LRRC4C: variants seen among roughly 807,000 people sequenced by gnomAD.
LRRC4C encodes leucine-rich repeat-containing protein 4C.
Under a neutral mutation model 33.6 loss-of-function variants are expected in LRRC4C, and 5 were observed. The observed-to-expected ratio is 0.15, with a 90% confidence interval of 0.08 to 0.31. The LOEUF is 0.31. LRRC4C is among the 10% of genes least tolerant of loss of function. The pLI, the probability that LRRC4C is intolerant of heterozygous loss-of-function variation, is 1.00. For missense variants in LRRC4C, 560 were observed against 796.7 expected (o/e 0.70, Z 3.58); for synonymous variants, 329 against 302.0 (o/e 1.09, Z -0.93).
chr11:40,219,956 A>G (rs558457903), intron 5 of LRRC4C, among the ~76,000 whole-genome samples: 1 of 152,340 alleles, frequency 6.6e-6, no homozygotes, highest in Non-Finnish European at 1.5e-5. Flanking sequence ...GCTTCTTTGT[A>G]GTAACATTTT....
At chr11:40,272,497 T>C (rs1414220067) in intron 4 of LRRC4C, among the ~76,000 whole-genome samples, 1 of 152,068 alleles carries the variant, frequency 6.6e-6, no homozygotes, top group Admixed American at 6.6e-5. Context: ...CCAAGATCCA[T>C]TGGAGAGATT....
intron 1 of LRRC4C, among the ~76,000 whole-genome samples, chr11:41,356,743 G>A (rs1010557065): frequency 1.3e-5 from 2 of 152,064 alleles, no homozygotes; most frequent in Admixed American, 1.3e-4. Context: ...TTGTCTGAAT[G>A]TTGCATATTA....
intron 3 of LRRC4C, among the ~76,000 whole-genome samples, chr11:40,344,539 C>G (rs566153343): frequency 1.3e-5 from 2 of 152,084 alleles, no homozygotes; most frequent in Non-Finnish European, 2.9e-5. Context: ...AACCCACAGC[C>G]AACATCATAA....
intron 1 of LRRC4C, among the ~76,000 whole-genome samples, chr11:40,951,714 AAAG>A (rs1283206490): frequency 1.3e-5 from 2 of 152,054 alleles, no homozygotes; most frequent in Non-Finnish European, 2.9e-5. Context: ...GATGATTCTA[AAAG>A]AAGATGCTGA....
At chr11:40,820,609 T>C (rs763622751) in intron 2 of LRRC4C, among the ~76,000 whole-genome samples, 2 of 151,968 alleles carry the variant, frequency 1.3e-5, no homozygotes, top group Non-Finnish European at 2.9e-5. Context: ...ATTATCTTTA[T>C]AAGTGCAGCA....
intron 1 of LRRC4C, among the ~76,000 whole-genome samples, chr11:41,442,702 C>T (rs1196396920): frequency 6.6e-6 from 1 of 151,940 alleles, no homozygotes. Context: ...ATCTCCTGAC[C>T]TCGTGATCCG....
chr11:40,256,214 C>T (rs957060810), intron 4 of LRRC4C, among the ~76,000 whole-genome samples: 9 of 152,166 alleles, frequency 5.9e-5, no homozygotes, highest in African/African-American at 2.2e-4. Flanking sequence ...AAACAATCCA[C>T]TCTTTTGTGG....
chr11:41,095,762 G>A (rs1940768963), intron 1 of LRRC4C, among the ~76,000 whole-genome samples: 1 of 152,174 alleles, frequency 6.6e-6, no homozygotes, highest in African/African-American at 2.4e-5. Flanking sequence ...GGTTTTCACT[G>A]CAGGTGAAGA....
intron 3 of LRRC4C, among the ~76,000 whole-genome samples, chr11:40,542,052 C>CTCTCTT (rs1555096424): frequency 2.0e-5 from 3 of 149,260 alleles, no homozygotes; most frequent in African/African-American, 7.4e-5. Context: ...TTCTCTTTCT[C>CTCTCTT]TCTTTCTTTC....
intron 2 of LRRC4C, among the ~76,000 whole-genome samples, chr11:40,862,597 G>T (rs1954157500): frequency 6.6e-6 from 1 of 152,130 alleles, no homozygotes; most frequent in African/African-American, 2.4e-5. Flanking sequence ...GAAACACAAA[G>T]TGTTTCTTCC....
intron 2 of LRRC4C, among the ~76,000 whole-genome samples, chr11:40,798,589 TTCTC>T (rs1950919246): frequency 1.3e-5 from 2 of 152,048 alleles, no homozygotes; most frequent in African/African-American, 4.8e-5. Context: ...AAGTATCTGT[TTCTC>T]TATTTCTAGA....
At chr11:40,358,572 C>T (rs932501274) in intron 3 of LRRC4C, among the ~76,000 whole-genome samples, 2 of 152,064 alleles carry the variant, frequency 1.3e-5, no homozygotes, top group African/African-American at 4.8e-5. Flanking sequence ...TGAGTTACTG[C>T]GCCTGGTCCC....
At chr11:40,429,095 T>C (rs1950817887) in intron 3 of LRRC4C, among the ~76,000 whole-genome samples, 1 of 152,184 alleles carries the variant, frequency 6.6e-6, no homozygotes, top group East Asian at 1.9e-4. Context: ...AAAGTAGATA[T>C]AGTGATAACA....
intron 1 of LRRC4C, among the ~76,000 whole-genome samples, chr11:41,180,153 C>T (rs1188421640): frequency 6.6e-6 from 1 of 152,094 alleles, no homozygotes; most frequent in Non-Finnish European, 1.5e-5. Context: ...AAGCAAACTT[C>T]CTGAGCTGGG....
chr11:40,546,465 G>A (rs1247588792), intron 3 of LRRC4C, among the ~76,000 whole-genome samples: 1 of 151,942 alleles, frequency 6.6e-6, no homozygotes, highest in African/African-American at 2.4e-5. Context: ...ATTTTACATG[G>A]TTGTGATAAA....
chr11:40,246,762 T>C (rs1457966419), intron 4 of LRRC4C, among the ~76,000 whole-genome samples: 1 of 152,182 alleles, frequency 6.6e-6, no homozygotes, highest in Non-Finnish European at 1.5e-5. Context: ...TCCTTTATAA[T>C]ACAATTCACT....
rs772943718 is a variant in LRRC4C at position 40,767,076 on chromosome 11, C to T, written c.-406-118798G>A. ...CAAGAATCTATAATCTGTTTCCTAC[C>T]GAAAGCATACTTCACCTATAAAAAC... On this transcript the variant is annotated intron_variant, in intron 2 of 6. Transcript: ENST00000528697. Among the ~76,000 whole-genome samples the T allele has an allele frequency of 1.1e-4, 17 of 151,564 alleles. 1 individual carries two copies. The highest frequency in any genetic ancestry group is 3.3e-4 in the Admixed American group (5 of 15,210).
chr11:40,723,256 A>T (rs1947118636), intron 2 of LRRC4C, among the ~76,000 whole-genome samples: 1 of 151,876 alleles, frequency 6.6e-6, no homozygotes, highest in African/African-American at 2.4e-5. Context: ...AATTCAAGTA[A>T]CCCCTGCAAG....
At chr11:40,949,381 C>T (rs1958583154) in intron 1 of LRRC4C, among the ~76,000 whole-genome samples, 1 of 152,018 alleles carries the variant, frequency 6.6e-6, no homozygotes, top group Non-Finnish European at 1.5e-5. Context: ...AATTAGATCC[C>T]ATTTGTCAGA....
Sources: allele counts gnomAD v4.1 joint callset (sites outside exome capture counted in the v4.1 genomes callset), GRCh38; gene constraint gnomAD v4.1.1; transcripts MANE v1.5; gene names NCBI Gene and HGNC (gene_info 2026-07-23, HGNC 2026-07-21).